MYH11: variants seen among roughly 807,000 people sequenced by gnomAD.
MYH11 encodes myosin heavy chain 11, also known as myosin-11.
In MYH11, 80 loss-of-function variants were observed where a neutral mutation model predicts 246.6. That is an observed-to-expected ratio of 0.32 (90% CI 0.27 to 0.39). The LOEUF is 0.39. MYH11 is among the 10% of genes least tolerant of loss of function. MYH11 has a pLI of 1.00. For missense variants in MYH11, 2,158 were observed against 2,546.8 expected (o/e 0.85, Z 3.29); for synonymous variants, 1,071 against 1,015.5 (o/e 1.05, Z -1.04).
At chr16:15,852,281 G>A (rs2044349161) in intron 1 of MYH11, among the ~76,000 whole-genome samples, 1 of 151,630 alleles carries the variant, frequency 6.6e-6, no homozygotes, top group Non-Finnish European at 1.5e-5. Flanking sequence ...CTGGTGCCAA[G>A]AGGATGGGGA....
chr16:15,757,508 TAAAAAAAAAA>T (rs71134455), intron 13 of MYH11, among the ~76,000 whole-genome samples: 2 of 65,484 alleles, frequency 3.1e-5, no homozygotes, highest in African/African-American at 1.1e-4. Flanking sequence ...GACCATGTCA[TAAAAAAAAAA>T]AAAAAAAAAA....
chr16:15,782,173 AC>A lies in MYH11; in HGVS notation c.726+211del, dbSNP rs2042370455. Among the ~76,000 whole-genome samples, 3 of 152,116 alleles carry A rather than the reference AC, an allele frequency of 2.0e-5. No individual in the cohort carries two copies. The South Asian group carries it at 6.2e-4, about 32-fold the overall frequency. On this transcript the variant is annotated intron_variant, in intron 6 of 40. Transcript: ENST00000300036. ...TGGGATTACAGGTGTGAGCCACCGC[AC>A]CAGGCCAATCAATATTTGTTGAGTG...
intron 22 of MYH11, 73 bp downstream of exon 22, chr16:15,741,390 T>C: frequency 2.7e-6 from 4 of 1,499,646 alleles, no homozygotes; most frequent in Non-Finnish European, 3.7e-6. Flanking sequence ...TATCCCTGGA[T>C]GCACCTCCAC....
At chr16:15,785,008 A>ATTTTTTTGTTTTTTTTTTTTT (rs2042436623) in intron 5 of MYH11, 1 of 96,518 alleles carries the variant, frequency 1.0e-5, no homozygotes, top group Non-Finnish European at 1.8e-5. Flanking sequence ...AATTCTCTTG[A>ATTTTTTTGTTTTTTTTTTTTT]TTTTTTTTTT....
At chr16:15,708,168 C>T (rs998803362) in intron 40 of MYH11, among the ~76,000 whole-genome samples, 1 of 152,160 alleles carries the variant, frequency 6.6e-6, no homozygotes, top group Non-Finnish European at 1.5e-5. Context: ...GCTGAAAATG[C>T]AGTTTGTAGC....
chr16:15,806,294 AAAAAAAAAAAAAAAAAAAAAAG>A (rs1259261404), intron 3 of MYH11, among the ~76,000 whole-genome samples: 1 of 83,936 alleles, frequency 1.2e-5, no homozygotes, highest in East Asian at 2.9e-4. Context: ...AAAAAAAAAA[AAAAAAAAAAAAAAAAAAAAAAG>A]AAGCCAGCCA....
Position 15,798,646 on chromosome 16 carries a change from G to C in MYH11, c.530+14C>G. ...AAACAAAAAAAAAACAGAAGAAAAA[G>C]CAGTTCCACTTACGTGCATAGAATG... On this transcript the variant is annotated intron_variant, in intron 4 of 40. Transcript: ENST00000300036. 6.8e-7 allele frequency: 1 copy of C among 1,476,268 alleles called. No individual in the cohort carries two copies. The highest frequency in any genetic ancestry group is 9.1e-7 in the Non-Finnish European group (1 of 1,102,046). The allele number at this position is 1,476,268 out of a possible 1,614,324, so 91.4% of individuals were successfully genotyped here.
intron 40 of MYH11, chr16:15,714,255 A>T (rs1244355588): frequency 6.4e-6 from 1 of 155,294 alleles, no homozygotes; most frequent in African/African-American, 2.4e-5. Context: ...AACAGCCCCC[A>T]CTCCAGTGAC....
Position 15,738,768 on chromosome 16 carries a change from T to C in MYH11, c.2998-80A>G, listed in dbSNP as rs746095451. On this transcript the variant is annotated intron_variant, in intron 23 of 40. Coordinates refer to ENST00000300036, the MANE Select transcript of MYH11 (RefSeq NM_002474.3). The stretch of plus-strand genomic sequence containing the variant: ...TATGTTTCACTTTTAGTGATTTCCA[T>C]GTAAACAGTTGAAAGAAAAACCCAC... The C allele has an allele frequency of 1.1e-4, 164 of 1,510,760 alleles. 1 individual carries two copies. Among genetic ancestry groups the C allele is most frequent in the Admixed American group, 4.5e-4 (25 of 55,592 alleles). The allele number at this position is 1,510,760 out of a possible 1,614,324, so 93.6% of individuals were successfully genotyped here.
chr16:15,781,676 G>A (rs953867276), intron 6 of MYH11, among the ~76,000 whole-genome samples: 1 of 152,182 alleles, frequency 6.6e-6, no homozygotes, highest in Non-Finnish European at 1.5e-5. Context: ...TTGCTTTGGA[G>A]CCTGGGGGAG....
chr16:15,772,531 C>T (rs776716611), intron 8 of MYH11, among the ~76,000 whole-genome samples: 3 of 152,196 alleles, frequency 2.0e-5, no homozygotes, highest in Admixed American at 6.5e-5. Flanking sequence ...CTCCATAATA[C>T]CTGCTTTTAT....
chr16:15,745,644 G>A (rs1245285596), intron 19 of MYH11, among the ~76,000 whole-genome samples: 17 of 143,646 alleles, frequency 1.2e-4, no homozygotes, highest in African/African-American at 1.8e-4. Flanking sequence ...CTGGAGTGCG[G>A]TGGCACGATC....
At chr16:15,789,608 C>T (rs2042561752) in intron 4 of MYH11, among the ~76,000 whole-genome samples, 1 of 152,134 alleles carries the variant, frequency 6.6e-6, no homozygotes, top group South Asian at 2.1e-4. Context: ...AAGTCCCAGC[C>T]CCACTCCACT....
At chr16:15,770,163 G>A (rs1281776512) in intron 9 of MYH11, among the ~76,000 whole-genome samples, 1 of 152,144 alleles carries the variant, frequency 6.6e-6, no homozygotes, top group Non-Finnish European at 1.5e-5. Flanking sequence ...AGACAAGGAG[G>A]CTATCAGCAC....
chr16:15,750,079 T>C lies in MYH11; in HGVS notation c.2058+59A>G. 1 of 1,603,286 alleles carries C rather than the reference T, an allele frequency of 6.2e-7. No individual in the cohort carries two copies. Among genetic ancestry groups the C allele is most frequent in the Non-Finnish European group, 8.5e-7 (1 of 1,172,494 alleles). On this transcript the variant is annotated intron_variant, in intron 16 of 40. Transcript: ENST00000300036. This position sits in a 1 kb window ranked among gnomAD's most constrained non-coding sequence, Gnocchi z 4.3. ...GGCAGAGGGCGCCCTGGGGACGCTG[T>C]GACCGCTTGGGACAGCCCTGGCTTC...
At position 15,747,650 on chromosome 16, in the gene MYH11, G is replaced by A. The variant is rs932744120; in HGVS notation, c.2331C>T (p.His777=). 1.2e-6 allele frequency: 2 copies of A among 1,614,108 alleles called. No individual in the cohort carries two copies. Among genetic ancestry groups the A allele is most frequent in the Non-Finnish European group, 1.7e-6 (2 of 1,180,022 alleles). The change falls in exon 19 of 41, where the codon CAC becomes CAT. Residue 777 remains histidine (H), a synonymous_variant. Coordinates refer to ENST00000300036, the MANE Select transcript of MYH11 (RefSeq NM_002474.3). ...TCTTCAAATCTCGCTCCTCCTCTAG[G>A]TGGGCCAGGACGCCAGTTCGGAAGA... The part of the protein sequence containing the change: ...KIFFRTGVLA[H]LEEERDLKIT...
At chr16:15,834,562 A>T (rs1471584001) in intron 2 of MYH11, among the ~76,000 whole-genome samples, 2 of 151,890 alleles carry the variant, frequency 1.3e-5, no homozygotes, top group Non-Finnish European at 2.9e-5. Flanking sequence ...GAAAAAGAAA[A>T]TGTCCACCAT....
chr16:15,783,658 G>C (rs951037869), intron 5 of MYH11: 3 of 152,150 alleles, frequency 2.0e-5, no homozygotes, highest in African/African-American at 7.2e-5. Flanking sequence ...ACGACTAAAG[G>C]AATCACTTTT....
chr16:15,742,251 A>C (rs779490414), intron 20 of MYH11: 1 of 351,232 alleles, frequency 2.8e-6, no homozygotes, highest in Non-Finnish European at 5.4e-6. Context: ...AACCATCCCA[A>C]CAGAGAACTA....
Sources: allele counts gnomAD v4.1 joint callset (sites outside exome capture counted in the v4.1 genomes callset), GRCh38; gene constraint gnomAD v4.1.1; non-coding constraint Gnocchi (gnomAD v3.1); transcripts MANE v1.5; gene names NCBI Gene and HGNC (gene_info 2026-07-23, HGNC 2026-07-21).